The following CDH12 variants were observed in gnomAD, a reference collection of about 807,000 sequenced individuals.
CDH12 encodes the protein cadherin 12.
In CDH12, 41 loss-of-function variants were observed where a neutral mutation model predicts 74.1. That is an observed-to-expected ratio of 0.55 (90% CI 0.43 to 0.72). The LOEUF is 0.72. Ranked by LOEUF, CDH12 falls within the 30% of genes least tolerant of loss-of-function variation. CDH12 has a pLI of 0.00. For missense variants in CDH12, 945 were observed against 977.2 expected, an observed-to-expected ratio of 0.97 and a Z score of 0.44; for synonymous variants, 399 against 355.0, an observed-to-expected ratio of 1.12 and a Z score of -1.39.
At chr5:22,633,550 G>T (rs1484604687) in intron 1 of CDH12, among the ~76,000 whole-genome samples, 2 of 152,154 alleles carry the variant, frequency 1.3e-5, no homozygotes, top group Non-Finnish European at 2.9e-5. Flanking sequence ...ACAGAGTAAA[G>T]TAGATGGACC....
chr5:22,745,465 T>C (rs76468782), intron 1 of CDH12, among the ~76,000 whole-genome samples: 9,888 of 152,180 alleles, frequency 0.065, 369 homozygotes, highest in African/African-American at 0.099. Flanking sequence ...GACACATGCA[T>C]GTGTATGTTC....
At chr5:22,609,288 C>T (rs540442684) in intron 1 of CDH12, among the ~76,000 whole-genome samples, 1 of 152,292 alleles carries the variant, frequency 6.6e-6, no homozygotes, top group South Asian at 2.1e-4. Context: ...ACTCATGTCA[C>T]TGCTTAAGCT....
intron 1 of CDH12, among the ~76,000 whole-genome samples, chr5:22,579,495 A>C (rs1739968097): frequency 6.6e-6 from 1 of 152,104 alleles, no homozygotes; most frequent in African/African-American, 2.4e-5. Flanking sequence ...TGTTTTCATT[A>C]TTATTTATGA....
At chr5:22,087,628 G>A (rs890605252) in intron 4 of CDH12, among the ~76,000 whole-genome samples, 9 of 151,886 alleles carry the variant, frequency 5.9e-5, no homozygotes, top group Non-Finnish European at 1.3e-4. Flanking sequence ...GTGACAGAGT[G>A]AGACTTTGTC....
chr5:22,244,478 G>T (rs1580441428), intron 3 of CDH12, among the ~76,000 whole-genome samples: 1 of 97,354 alleles, frequency 1.0e-5, no homozygotes, highest in Non-Finnish European at 1.8e-5. Context: ...GTGGATGACA[G>T]AACAAGACTC....
intron 3 of CDH12, among the ~76,000 whole-genome samples, chr5:22,213,323 CTTGCTTGTGTA>C (rs1751649929): frequency 6.6e-6 from 1 of 151,708 alleles, no homozygotes; most frequent in East Asian, 1.9e-4. Context: ...TGAACACAGC[CTTGCTTGTGTA>C]GTTTTCCAAA....
chr5:22,527,215 T>C (rs1737325036), intron 1 of CDH12, among the ~76,000 whole-genome samples: 1 of 152,094 alleles, frequency 6.6e-6, no homozygotes, highest in African/African-American at 2.4e-5. Flanking sequence ...TAGTATAAAT[T>C]CTTGGCATTG....
intron 6 of CDH12, among the ~76,000 whole-genome samples, chr5:21,966,313 C>T (rs2547607): frequency 6.6e-6 from 1 of 152,056 alleles, no homozygotes; most frequent in Non-Finnish European, 1.5e-5. Context: ...CTGTGAAGGA[C>T]CAGATAGTAA....
chr5:22,806,256 C>T (rs979254272), intron 1 of CDH12, among the ~76,000 whole-genome samples: 3 of 152,058 alleles, frequency 2.0e-5, no homozygotes, highest in African/African-American at 7.2e-5. Flanking sequence ...AATGGTTGAA[C>T]TGATTTACAC....
intron 6 of CDH12, among the ~76,000 whole-genome samples, chr5:21,972,726 GA>G (rs1019308989): frequency 1.3e-5 from 2 of 152,058 alleles, no homozygotes; most frequent in Non-Finnish European, 2.9e-5. Context: ...AGATTATGGG[GA>G]AAGACAAAAG....
At chr5:21,909,874 A>G (rs1002916484) in intron 6 of CDH12, among the ~76,000 whole-genome samples, 1 of 152,146 alleles carries the variant, frequency 6.6e-6, no homozygotes, top group Non-Finnish European at 1.5e-5. Context: ...TCATAGACTG[A>G]AACCTACAAA....
rs187168985 is a variant in CDH12 at position 22,649,368 on chromosome 5, G to A, written c.-522-144004C>T. Among the ~76,000 whole-genome samples, 6 of 152,104 alleles carry A rather than the reference G, an allele frequency of 3.9e-5. No homozygotes were observed. In the East Asian group the frequency reaches 7.7e-4, roughly 20 times the overall value. ...AGGCAGAACTCTGACTCAGATGAATGCTTTCCTTTCCAAGGCCATATTTCT... is the reference window on the plus strand; with the variant it reads ...AGGCAGAACTCTGACTCAGATGAATACTTTCCTTTCCAAGGCCATATTTCT... On this transcript the variant is annotated intron_variant, in intron 1 of 14. Coordinates refer to ENST00000382254, the MANE Select transcript of CDH12 (RefSeq NM_004061.5).
chr5:22,286,995 G>T (rs1440744275), intron 3 of CDH12, among the ~76,000 whole-genome samples: 3 of 152,162 alleles, frequency 2.0e-5, no homozygotes, highest in African/African-American at 7.2e-5. Flanking sequence ...ACCAGGTGGG[G>T]TATCCAGGGA....
At chr5:21,945,844 A>C (rs1183118811) in intron 6 of CDH12, among the ~76,000 whole-genome samples, 1 of 152,134 alleles carries the variant, frequency 6.6e-6, no homozygotes, top group East Asian at 1.9e-4. Flanking sequence ...AGACGAGGAG[A>C]TAGAATGTGG....
intron 3 of CDH12, 127 bp downstream of exon 3, chr5:22,405,130 A>C (rs1742886415): frequency 6.2e-6 from 1 of 161,234 alleles, no homozygotes; most frequent in Non-Finnish European, 1.3e-5. Context: ...AAATGGCTTG[A>C]ACCTAGGAGG....
intron 1 of CDH12, among the ~76,000 whole-genome samples, chr5:22,715,655 G>T (rs766092487): frequency 6.6e-6 from 1 of 151,820 alleles, no homozygotes; most frequent in Non-Finnish European, 1.5e-5. Flanking sequence ...ACAAAAATTA[G>T]CCAGGCGTGG....
chr5:21,955,562 G>A (rs1004278518), intron 6 of CDH12, among the ~76,000 whole-genome samples: 1 of 151,948 alleles, frequency 6.6e-6, no homozygotes, highest in African/African-American at 2.4e-5. Context: ...GAGAGGTAAG[G>A]ATATAACCTT....
chr5:22,591,966 C>T (rs1250689876), intron 1 of CDH12, among the ~76,000 whole-genome samples: 1 of 105,442 alleles, frequency 9.5e-6, no homozygotes, highest in Non-Finnish European at 2.0e-5. Context: ...ATCTTGTGAC[C>T]ACCATGTGAA....
chr5:22,201,165 G>A (rs1009332214), intron 4 of CDH12, among the ~76,000 whole-genome samples: 1 of 152,152 alleles, frequency 6.6e-6, no homozygotes, highest in Non-Finnish European at 1.5e-5. Context: ...GGAAAAAGCA[G>A]ATATGATGCA....
Sources: allele counts gnomAD v4.1 joint callset (sites outside exome capture counted in the v4.1 genomes callset), GRCh38; gene constraint gnomAD v4.1.1; transcripts MANE v1.5; gene names NCBI Gene and HGNC (gene_info 2026-07-23, HGNC 2026-07-21).